Variants in CSTPP1 observed in about 807,000 individuals in gnomAD.
CSTPP1 encodes the protein UPF0705 protein C11orf49.
the CSTPP1 span, among the ~76,000 whole-genome samples, chr11:47,150,835 G>A: frequency 6.8e-6 from 1 of 147,370 alleles, no homozygotes. Flanking sequence ...TCACAGGCCA[G>A]ATCCAAATGG....
the CSTPP1 span, among the ~76,000 whole-genome samples, chr11:47,128,326 G>A: frequency 1.3e-5 from 2 of 152,202 alleles, no homozygotes; most frequent in African/African-American, 4.8e-5. Context: ...AGAGAAAGTT[G>A]GCTAAAAAAG....
chr11:47,022,284 A>C, the CSTPP1 span, among the ~76,000 whole-genome samples: 1 of 146,854 alleles, frequency 6.8e-6, no homozygotes, highest in African/African-American at 2.5e-5. Context: ...TCTCCACTCT[A>C]TTCTACATTG....
chr11:47,018,741 T>G, the CSTPP1 span, among the ~76,000 whole-genome samples: 1 of 152,232 alleles, frequency 6.6e-6, no homozygotes, highest in Non-Finnish European at 1.5e-5. Flanking sequence ...ACTATTCTAA[T>G]AGGTATCTCA....
chr11:47,020,651 A>T, the CSTPP1 span, among the ~76,000 whole-genome samples: 1 of 152,238 alleles, frequency 6.6e-6, no homozygotes, highest in African/African-American at 2.4e-5. Flanking sequence ...TTCAGAATTT[A>T]GTCATAAACA....
chr11:47,127,313 T>C, the CSTPP1 span, among the ~76,000 whole-genome samples: 1 of 152,158 alleles, frequency 6.6e-6, no homozygotes, highest in South Asian at 2.1e-4. Context: ...ATGAAAATGG[T>C]TTGCATAATT....
chr11:47,150,742 A>G, the CSTPP1 span, among the ~76,000 whole-genome samples: 1 of 151,814 alleles, frequency 6.6e-6, no homozygotes, highest in South Asian at 2.1e-4. Context: ...ATGAGTAAGG[A>G]CAGCTTCAGG....
At chr11:47,157,322 A>G in the CSTPP1 span, 3 of 1,283,144 alleles carry the variant, frequency 2.3e-6, no homozygotes, top group Non-Finnish European at 3.1e-6. Context: ...CAGGCATTCT[A>G]GGGCCCTTGC....
chr11:47,001,865 G>A, the CSTPP1 span, among the ~76,000 whole-genome samples: 1 of 151,968 alleles, frequency 6.6e-6, no homozygotes. Flanking sequence ...CAGGTGTGAG[G>A]CAACAAGAAG....
At chr11:47,034,005 C>G in the CSTPP1 span, among the ~76,000 whole-genome samples, 1 of 152,012 alleles carries the variant, frequency 6.6e-6, no homozygotes, top group Admixed American at 6.6e-5. Flanking sequence ...ATTAATTCAT[C>G]ATTTACGTTA....
chr11:47,132,551 A>C, the CSTPP1 span, among the ~76,000 whole-genome samples: 1 of 152,224 alleles, frequency 6.6e-6, no homozygotes, highest in African/African-American at 2.4e-5. Context: ...AGACAAGGAA[A>C]CCAAGGTTCA....
the CSTPP1 span, among the ~76,000 whole-genome samples, chr11:47,010,717 A>G: frequency 2.0e-5 from 3 of 152,150 alleles, no homozygotes; most frequent in Admixed American, 2.0e-4. Flanking sequence ...ACCAGATGAA[A>G]CTGAATTCTC....
the CSTPP1 span, among the ~76,000 whole-genome samples, chr11:46,973,656 C>A: frequency 6.6e-6 from 1 of 152,154 alleles, no homozygotes; most frequent in Non-Finnish European, 1.5e-5. Context: ...CTAGAAAATC[C>A]ACACAGTATT....
At chr11:47,064,803 G>A in the CSTPP1 span, among the ~76,000 whole-genome samples, 1 of 152,134 alleles carries the variant, frequency 6.6e-6, no homozygotes, top group Non-Finnish European at 1.5e-5. Context: ...GGAGTGCAGT[G>A]GCACGATCTC....
At chr11:47,021,821 T>G in the CSTPP1 span, among the ~76,000 whole-genome samples, 1 of 152,084 alleles carries the variant, frequency 6.6e-6, no homozygotes, top group Non-Finnish European at 1.5e-5. Context: ...CTTAACAATA[T>G]TATTATTTTT....
chr11:47,112,399 G>A, the CSTPP1 span, among the ~76,000 whole-genome samples: 1 of 152,076 alleles, frequency 6.6e-6, no homozygotes, highest in Admixed American at 6.6e-5. Flanking sequence ...TCAGCTCACT[G>A]CAGCCTCTGC....
At chr11:47,139,000 A>C in the CSTPP1 span, among the ~76,000 whole-genome samples, 2 of 150,408 alleles carry the variant, frequency 1.3e-5, no homozygotes, top group African/African-American at 2.4e-5. Context: ...AAAAAAAAAA[A>C]AAAAAAAAAA....
the CSTPP1 span, among the ~76,000 whole-genome samples, chr11:47,008,236 A>T: frequency 1.8e-4 from 28 of 152,282 alleles, no homozygotes; most frequent in Non-Finnish European, 1.6e-4. Context: ...AAGTGCTGGG[A>T]TTACAGGTGT....
chr11:47,147,646 G>A, the CSTPP1 span, among the ~76,000 whole-genome samples: 190 of 152,252 alleles, frequency 1.2e-3, no homozygotes, highest in African/African-American at 4.3e-3. Flanking sequence ...TCATTACCAC[G>A]AGACAGCACA....
At chr11:47,101,619 A>G in the CSTPP1 span, among the ~76,000 whole-genome samples, 3 of 151,932 alleles carry the variant, frequency 2.0e-5, no homozygotes, top group Non-Finnish European at 2.9e-5. Flanking sequence ...AAAAACTTGC[A>G]TACCTCCTAT....
Sources: gnomAD v4.1 joint callset for allele counts (sites outside exome capture counted in the v4.1 genomes callset) on GRCh38, gnomAD v4.1.1 for gene constraint, MANE v1.5 for transcripts, NCBI Gene and HGNC (gene_info 2026-07-23, HGNC 2026-07-21) for gene names.